The following LRRC66 variants were observed in gnomAD, a reference collection of about 807,000 sequenced individuals.
LRRC66 encodes leucine rich repeat containing 66.
A neutral mutation model predicts 24.6 loss-of-function variants in LRRC66; 29 were observed. That is an observed-to-expected ratio of 1.18 (90% CI 0.88 to 1.61). The LOEUF is 1.61. Ranked by LOEUF, LRRC66 falls within the 40% of genes most tolerant of loss-of-function variation. The probability of loss-of-function intolerance (pLI) is 0.00; values close to 1 mark genes in which losing one functional copy is unlikely to be tolerated. For missense variants in LRRC66, 1,124 were observed against 1,058.0 expected (o/e 1.06, Z -0.87); for synonymous variants, 411 against 397.6 (o/e 1.03, Z -0.40).
intron 2 of LRRC66, among the ~76,000 whole-genome samples, chr4:52,016,129 C>T (rs915558563): frequency 6.6e-6 from 1 of 152,142 alleles, no homozygotes; most frequent in Admixed American, 6.5e-5. Context: ...GGAGATAAGA[C>T]GCCCACCCTT....
chr4:52,007,035 A>G (rs1736603310), intron 2 of LRRC66, among the ~76,000 whole-genome samples: 1 of 152,104 alleles, frequency 6.6e-6, no homozygotes, highest in African/African-American at 2.4e-5. Flanking sequence ...CCTCAAAACC[A>G]CAAAAGGGTG....
intron 3 of LRRC66, among the ~76,000 whole-genome samples, chr4:52,000,749 G>A (rs1054957470): frequency 3.3e-5 from 5 of 152,156 alleles, no homozygotes; most frequent in African/African-American, 1.2e-4. Context: ...TCCTGCCGAC[G>A]GCCACGTGAA....
chr4:52,001,057 T>C (rs1255142222), intron 3 of LRRC66, among the ~76,000 whole-genome samples: 2 of 152,228 alleles, frequency 1.3e-5, no homozygotes, highest in Non-Finnish European at 2.9e-5. Flanking sequence ...ACCAGGCATA[T>C]GCTAAGCACT....
Position 51,994,733 on chromosome 4 carries a change from T to G in LRRC66, c.2289A>C (p.Pro763=). 1.2e-6 allele frequency: 2 copies of G among 1,614,236 alleles called. No homozygotes were observed. Among genetic ancestry groups the G allele is most frequent in the Non-Finnish European group, 1.7e-6 (2 of 1,180,036 alleles). Reference sequence around the variant, plus strand: ...GATCTTCTTGATTCTTGCATTTCCCTGGAATTGTTTGGAAGGTAACATTTT... The same window carrying G: ...GATCTTCTTGATTCTTGCATTTCCCGGGAATTGTTTGGAAGGTAACATTTT... ...LEENVTFQTI[P]GKCKNQEDPF... Residue 763 remains proline (P), a synonymous_variant, in exon 5 of 5, where the codon CCA becomes CCC. Coordinates refer to ENST00000682860, the MANE Select transcript of LRRC66 (RefSeq NM_001024611.3).
In LRRC66 at chr4:51,994,892, C is replaced by G; in HGVS notation, c.2130G>C (p.Leu710=). 6.2e-7 allele frequency: 1 copy of G among 1,614,134 alleles called. No individual in the cohort carries two copies. The highest frequency in any genetic ancestry group is 8.5e-7 in the Non-Finnish European group (1 of 1,180,036). The change falls in exon 5 of 5, where the codon CTG becomes CTC. Residue 710 remains leucine, a synonymous_variant. Transcript: ENST00000682860. ...CTGAACTTATGGAGCTCAGAGTGAA[C>G]AGAGACCCCTCATCAGAGTCACAGT... The part of the protein sequence containing the change: ...ESDCDSDEGS[L]FTLSSISSES...
intron 3 of LRRC66, among the ~76,000 whole-genome samples, chr4:52,002,300 A>G (rs755298642): frequency 4.6e-5 from 7 of 152,162 alleles, no homozygotes; most frequent in Admixed American, 4.6e-4. Flanking sequence ...TGCGGCTCAC[A>G]TTCTATGTTT....
intron 2 of LRRC66, among the ~76,000 whole-genome samples, chr4:52,004,070 C>T (rs1736518329): frequency 6.6e-6 from 1 of 151,950 alleles, no homozygotes; most frequent in South Asian, 2.1e-4. Flanking sequence ...TGGTACAATC[C>T]CCACTCATTG....
At chr4:52,015,819 A>G (rs1174355804) in intron 2 of LRRC66, among the ~76,000 whole-genome samples, 1 of 152,164 alleles carries the variant, frequency 6.6e-6, no homozygotes, top group Non-Finnish European at 1.5e-5. Flanking sequence ...AATATTTGTG[A>G]GATTGCTTAA....
chr4:52,014,199 C>G (rs75849402), intron 2 of LRRC66, among the ~76,000 whole-genome samples: 2,117 of 152,236 alleles, frequency 0.014, 22 homozygotes, highest in Non-Finnish European at 0.02. Context: ...TTGCGGGGAG[C>G]CGAGATCGTG....
intron 2 of LRRC66, among the ~76,000 whole-genome samples, chr4:52,003,733 G>C (rs1736510625): frequency 6.6e-6 from 1 of 152,194 alleles, no homozygotes; most frequent in Admixed American, 6.5e-5. Context: ...GTTAGAGTTA[G>C]GACTAGGATG....
At chr4:52,017,876 G>A in intron 1 of LRRC66, 1 of 985,328 alleles carries the variant, frequency 1.0e-6, no homozygotes, top group South Asian at 4.7e-5. Flanking sequence ...ATTCAGTTAG[G>A]CCTCACCTCT....
rs1480200217 is a variant in LRRC66, at chr4:52,003,264, T to A, written c.625A>T (p.Lys209Ter). Residue 209 changes from lysine to a stop codon, truncating the protein, a stop_gained, in exon 3 of 5, where the codon AAA becomes TAA. Transcript: ENST00000682860. LOFTEE classifies it high-confidence loss of function. ...NLCLKSNKIF[K>*]IPPQAFKDLK... is the part of the protein sequence containing the mutation. ...TCCTTGAAGGCTTGTGGGGGAATTT[T>A]GAATATCTTGTTGCTCTTTAAACAG... 1 of 1,613,420 alleles carries A rather than the reference T, an allele frequency of 6.2e-7. No individual in the cohort carries two copies. The highest frequency in any genetic ancestry group is 8.5e-7 in the Non-Finnish European group (1 of 1,179,864).
At chr4:51,998,527 C>G (rs535009000) in intron 3 of LRRC66, among the ~76,000 whole-genome samples, 2 of 152,214 alleles carry the variant, frequency 1.3e-5, no homozygotes. Context: ...GCTGGAATTA[C>G]AGGCACGCAC....
intron 2 of LRRC66, among the ~76,000 whole-genome samples, chr4:52,015,172 TTCTC>T (rs1175866787): frequency 6.6e-6 from 1 of 152,184 alleles, no homozygotes; most frequent in African/African-American, 2.4e-5. Context: ...CTCTTGCTCT[TTCTC>T]TCCATTCACA....
intron 2 of LRRC66, among the ~76,000 whole-genome samples, chr4:52,005,370 G>A (rs561628749): frequency 2.2e-4 from 33 of 152,146 alleles, no homozygotes; most frequent in African/African-American, 5.1e-4. Context: ...CGCAGTAGCC[G>A]ATGCCTGTAA....
In LRRC66 at chr4:52,003,272, T is replaced by C. The variant is rs376324186; in HGVS notation, c.617A>G (p.Lys206Arg). ...GGCTTGTGGGGGAATTTTGAATATC[T>C]TGTTGCTCTTTAAACAGAGATTCTC... is the stretch of plus-strand genomic sequence containing the variant. ...QLENLCLKSN[K>R]IFKIPPQAFK... is the part of the protein sequence containing the mutation. Residue 206 changes from lysine to arginine, a missense_variant, in exon 3 of 5, where the codon AAG becomes AGG. Physicochemically the swap from Lys to Arg is conservative, Grantham distance 26. Transcript: ENST00000682860. 2.5e-6 allele frequency: 4 copies of C among 1,613,840 alleles called. No individual in the cohort carries two copies. In the African/African-American group the frequency reaches 4.0e-5, roughly 16 times the overall value.
chr4:52,015,109 C>G (rs1330895629), intron 2 of LRRC66, among the ~76,000 whole-genome samples: 1 of 152,138 alleles, frequency 6.6e-6, no homozygotes, highest in Non-Finnish European at 1.5e-5. Context: ...CCTATTTACT[C>G]TTGTGGTGGG....
Position 51,993,990 on chromosome 4 carries a change from C to CA in LRRC66, c.*388_*389insT, listed in dbSNP as rs1736226586. 5 of 166,184 alleles carry CA rather than the reference C, an allele frequency of 3.0e-5. No homozygotes were observed. Among genetic ancestry groups the CA allele is most frequent in the Non-Finnish European group, 6.4e-5 (5 of 77,592 alleles). 10.3% of individuals were successfully genotyped at this position (166,184 alleles called of 1,614,324 possible). ...TTGAGAAGGAAAGTTAGAACCACTT[C>CA]GTCTAACTGCAACAGATTCTCTTCT... On this transcript the variant is annotated 3_prime_UTR_variant, in exon 5 of 5. Coordinates refer to ENST00000682860, the MANE Select transcript of LRRC66 (RefSeq NM_001024611.3).
At chr4:52,011,556 A>G (rs1005383778) in intron 2 of LRRC66, among the ~76,000 whole-genome samples, 4 of 152,266 alleles carry the variant, frequency 2.6e-5, no homozygotes, top group Admixed American at 6.5e-5. Context: ...ATCCCCTTTA[A>G]TTATCTATTG....
Sources: allele counts gnomAD v4.1 joint callset (sites outside exome capture counted in the v4.1 genomes callset), GRCh38; gene constraint gnomAD v4.1.1; transcripts MANE v1.5; gene names NCBI Gene and HGNC (gene_info 2026-07-23, HGNC 2026-07-21).